TRDN: variants seen among roughly 807,000 people sequenced by gnomAD.
TRDN encodes triadin.
In TRDN, 161 loss-of-function variants were observed where a neutral mutation model predicts 149.7. The observed-to-expected ratio is 1.08, with a 90% CI of 0.95 to 1.23. TRDN has a LOEUF of 1.23. TRDN is among the 50% of genes most tolerant of loss of function. The pLI, the probability that TRDN is intolerant of heterozygous loss-of-function variation, is 0.00. For synonymous variants in TRDN, 294 were observed against 250.5 expected (o/e 1.17, Z -1.64); for missense variants, 896 against 823.5 (o/e 1.09, Z -1.08).
At chr6:123,548,707 A>T in intron 2 of TRDN, 95 bp from the exon 3 acceptor site, 3 of 1,076,428 alleles carry the variant, frequency 2.8e-6, no homozygotes, top group Non-Finnish European at 3.6e-6. Flanking sequence ...TGTTTTGACA[A>T]AAAGAATATG....
intron 38 of TRDN, among the ~76,000 whole-genome samples, chr6:123,248,132 C>G (rs1009191535): frequency 2.6e-5 from 4 of 151,792 alleles, no homozygotes; most frequent in African/African-American, 9.7e-5. Flanking sequence ...TAAAATTAAA[C>G]AAAAGATCAA....
chr6:123,223,783 T>C (rs1446413391), intron 39 of TRDN, among the ~76,000 whole-genome samples: 1 of 151,076 alleles, frequency 6.6e-6, no homozygotes, highest in Non-Finnish European at 1.5e-5. Flanking sequence ...CTTAATAAAA[T>C]CATGGCATTC....
chr6:123,392,519 C>T (rs1414252494), intron 13 of TRDN, among the ~76,000 whole-genome samples: 4 of 152,008 alleles, frequency 2.6e-5, no homozygotes, highest in Admixed American at 6.6e-5. Context: ...GGAACTCACC[C>T]TGACCTGCAT....
intron 10 of TRDN, among the ~76,000 whole-genome samples, chr6:123,441,298 TTCTG>T (rs2114605010): frequency 1.3e-5 from 2 of 152,296 alleles, no homozygotes; most frequent in South Asian, 4.1e-4. Context: ...ACTCTTCCCT[TTCTG>T]TCTACCTGAC....
intron 21 of TRDN, among the ~76,000 whole-genome samples, chr6:123,347,710 T>C (rs1267842755): frequency 1.3e-5 from 2 of 152,080 alleles, no homozygotes; most frequent in Non-Finnish European, 2.9e-5. Flanking sequence ...GTCTTGAGCA[T>C]GGAAAACATG....
At chr6:123,524,702 T>A (rs1779859676) in intron 5 of TRDN, among the ~76,000 whole-genome samples, 1 of 152,028 alleles carries the variant, frequency 6.6e-6, no homozygotes, top group Non-Finnish European at 1.5e-5. Context: ...AAAGCAAAAA[T>A]AGTAGTTATT....
chr6:123,496,566 C>G (rs1047975768), intron 9 of TRDN, among the ~76,000 whole-genome samples: 3 of 152,182 alleles, frequency 2.0e-5, no homozygotes, highest in Middle Eastern at 3.4e-3. Flanking sequence ...TCAAGTTACT[C>G]ATGCTTAGTT....
At chr6:123,561,405 C>T (rs73539119) in intron 2 of TRDN, among the ~76,000 whole-genome samples, 1,889 of 152,248 alleles carry the variant, frequency 0.012, 40 homozygotes, top group African/African-American at 0.043. Context: ...AGCATTCAGG[C>T]GGGTCTGTCC....
At chr6:123,248,659 A>C (rs1323384442) in intron 38 of TRDN, among the ~76,000 whole-genome samples, 2 of 152,106 alleles carry the variant, frequency 1.3e-5, no homozygotes, top group Non-Finnish European at 2.9e-5. Context: ...CATAAAACTC[A>C]CCAAGATCGA....
chr6:123,362,590 T>TA (rs756387874), intron 20 of TRDN, among the ~76,000 whole-genome samples: 1 of 152,158 alleles, frequency 6.6e-6, no homozygotes, highest in Non-Finnish European at 1.5e-5. Flanking sequence ...CCCCATCTCT[T>TA]ATTTAAGGCT....
chr6:123,227,408 T>C (rs199535371), intron 38 of TRDN, among the ~76,000 whole-genome samples: 13 of 151,972 alleles, frequency 8.6e-5, no homozygotes, highest in East Asian at 5.8e-4. Context: ...ATGAAGTCCC[T>C]AGGGGACACT....
At chr6:123,319,076 C>T (rs940004652) in intron 23 of TRDN, among the ~76,000 whole-genome samples, 10 of 151,548 alleles carry the variant, frequency 6.6e-5, no homozygotes, top group African/African-American at 2.4e-4. Context: ...TTACTTAAAA[C>T]CTCAAGTCTT....
intron 28 of TRDN, 76 bp downstream of exon 28, chr6:123,273,261 A>C: frequency 9.8e-7 from 1 of 1,016,772 alleles, no homozygotes; most frequent in South Asian, 1.8e-5. Context: ...CACAGGTTGA[A>C]AATACATGAT....
intron 5 of TRDN, among the ~76,000 whole-genome samples, chr6:123,517,469 T>C (rs1177981817): frequency 6.6e-6 from 1 of 152,122 alleles, no homozygotes; most frequent in Non-Finnish European, 1.5e-5. Context: ...GTTACAAATA[T>C]TAGTGCCTCC....
intron 18 of TRDN, 86 bp from the exon 19 acceptor site, chr6:123,375,717 G>T: frequency 9.0e-7 from 1 of 1,105,862 alleles, no homozygotes; most frequent in Non-Finnish European, 1.3e-6. Context: ...TATCTTAATT[G>T]TTTAAAGATT....
intron 24 of TRDN, among the ~76,000 whole-genome samples, chr6:123,299,932 T>C (rs1778342887): frequency 6.6e-6 from 1 of 152,074 alleles, no homozygotes; most frequent in Admixed American, 6.6e-5. Context: ...AAAACTTGTT[T>C]CTTTTAAATT....
intron 19 of TRDN, among the ~76,000 whole-genome samples, chr6:123,374,721 G>A (rs1781442492): frequency 1.3e-5 from 2 of 151,952 alleles, no homozygotes; most frequent in African/African-American, 4.8e-5. Flanking sequence ...GGTGCAGTGA[G>A]CCAAGATCAC....
chr6:123,295,273 G>T (rs1338988952), intron 24 of TRDN, among the ~76,000 whole-genome samples: 1 of 152,170 alleles, frequency 6.6e-6, no homozygotes, highest in African/African-American at 2.4e-5. Flanking sequence ...GCAATTAAAA[G>T]TGGGTATAAA....
chr6:123,428,294 T>C lies in TRDN; in HGVS notation c.1051+9769A>G, dbSNP rs1774204792. Among the ~76,000 whole-genome samples, 4 of 152,176 alleles carry C rather than the reference T, an allele frequency of 2.6e-5. 1 individual carries two copies. In the South Asian group the frequency reaches 8.3e-4, roughly 32 times the overall value. ...TCAGGAATGGGCCTATGAAGACTGA[T>C]ACTGCTCAAGTTTTTATTTGACCTT... On this transcript the variant is annotated intron_variant, in intron 12 of 40. Coordinates refer to ENST00000334268, the MANE Select transcript of TRDN (RefSeq NM_006073.4).
Sources: allele counts gnomAD v4.1 joint callset (sites outside exome capture counted in the v4.1 genomes callset), GRCh38; gene constraint gnomAD v4.1.1; transcripts MANE v1.5; gene names NCBI Gene and HGNC (gene_info 2026-07-23, HGNC 2026-07-21).